HECTD2: variants seen among roughly 807,000 people sequenced by gnomAD.
HECTD2 encodes probable E3 ubiquitin-protein ligase HECTD2.
HECTD2 carries 35 observed loss-of-function variants against 103.2 expected under a neutral mutation model. That is an observed-to-expected ratio of 0.34 (90% CI 0.26 to 0.45). The LOEUF (loss-of-function observed/expected upper bound fraction) is 0.45, where lower values mean the gene tolerates loss of function less well. HECTD2 is among the 20% of genes least tolerant of loss of function. The pLI, the probability that HECTD2 is intolerant of heterozygous loss-of-function variation, is 1.00. For synonymous variants in HECTD2, 281 were observed against 329.9 expected (o/e 0.85, Z 1.61); for missense variants, 596 against 937.4 (o/e 0.64, Z 4.76).
intron 5 of HECTD2, among the ~76,000 whole-genome samples, chr10:91,476,429 A>G (rs534671348): frequency 3.3e-4 from 50 of 152,290 alleles, no homozygotes; most frequent in Non-Finnish European, 5.6e-4. Flanking sequence ...CAATCATGAC[A>G]CGGACCCCCA....
At chr10:91,470,990 G>GCACA (rs1335148932) in intron 5 of HECTD2, among the ~76,000 whole-genome samples, 2 of 145,980 alleles carry the variant, frequency 1.4e-5, no homozygotes, top group Admixed American at 6.7e-5. Flanking sequence ...ACACACACAC[G>GCACA]CACACACACA....
At chr10:91,469,246 G>T (rs1322605767) in intron 5 of HECTD2, among the ~76,000 whole-genome samples, 2 of 152,080 alleles carry the variant, frequency 1.3e-5, no homozygotes, top group African/African-American at 4.8e-5. Flanking sequence ...TCAAATTCAG[G>T]AAATTCAGAG....
At chr10:91,445,345 C>T (rs1195246764) in intron 2 of HECTD2, among the ~76,000 whole-genome samples, 1 of 152,082 alleles carries the variant, frequency 6.6e-6, no homozygotes, top group East Asian at 1.9e-4. Flanking sequence ...CCCTCTGCCA[C>T]TAGAGAGGAA....
intron 1 of HECTD2, among the ~76,000 whole-genome samples, chr10:91,422,500 T>G (rs1843398090): frequency 6.6e-6 from 1 of 152,168 alleles, no homozygotes; most frequent in Non-Finnish European, 1.5e-5. Flanking sequence ...GCACTATTAT[T>G]AAGATTTTCT....
intron 11 of HECTD2, chr10:91,489,679 A>T (rs1377889357): frequency 6.6e-6 from 1 of 152,350 alleles, no homozygotes; most frequent in Non-Finnish European, 1.5e-5. Context: ...AACACAGGAC[A>T]CTATGCTAGG....
chr10:91,410,662 G>A, intron 1 of HECTD2, 86 bp downstream of exon 1: 1 of 1,235,920 alleles, frequency 8.1e-7, no homozygotes, highest in Non-Finnish European at 1.0e-6. Flanking sequence ...CAGGAGGCCT[G>A]CGTTTACCCT....
intron 2 of HECTD2, among the ~76,000 whole-genome samples, chr10:91,429,426 T>G (rs1843734439): frequency 6.6e-6 from 1 of 151,986 alleles, no homozygotes; most frequent in Admixed American, 6.6e-5. Context: ...TCTTTTTCTA[T>G]TCATTGGAAT....
intron 2 of HECTD2, among the ~76,000 whole-genome samples, chr10:91,456,997 T>G (rs951894822): frequency 6.6e-6 from 1 of 151,966 alleles, no homozygotes; most frequent in Non-Finnish European, 1.5e-5. Flanking sequence ...ATAGGAGATA[T>G]TACAACAGAC....
At chr10:91,495,186 T>C (rs890155071) in intron 14 of HECTD2, among the ~76,000 whole-genome samples, 1 of 151,574 alleles carries the variant, frequency 6.6e-6, no homozygotes, top group African/African-American at 2.4e-5. Flanking sequence ...GAGATGAGAG[T>C]GGATTGTGGT....
At chr10:91,462,579 AG>A in intron 5 of HECTD2, 1 of 1,022,944 alleles carries the variant, frequency 9.8e-7, no homozygotes, top group Non-Finnish European at 1.2e-6. Context: ...TCTTGGGTGA[AG>A]CCCAAGAATT....
chr10:91,514,592 T>C lies in HECTD2; in HGVS notation c.*2208T>C, dbSNP rs530691749. 1 of 152,626 alleles carries C rather than the reference T, an allele frequency of 6.6e-6. No individual in the cohort carries two copies. The highest frequency in any genetic ancestry group is 1.5e-5 in the Non-Finnish European group (1 of 68,022). The allele number at this position is 152,626 out of a possible 1,614,324, so 9.5% of individuals were successfully genotyped here. On this transcript the variant is annotated 3_prime_UTR_variant, in exon 21 of 21. Transcript: ENST00000298068. Reference sequence around the variant, plus strand: ...CACAGTAAATTAAAGCATTACACAGTATTTATCAGTATTTTTTAAACATCC... The same window carrying C: ...CACAGTAAATTAAAGCATTACACAGCATTTATCAGTATTTTTTAAACATCC...
chr10:91,456,455 A>T (rs903389726), intron 2 of HECTD2, among the ~76,000 whole-genome samples: 1 of 152,210 alleles, frequency 6.6e-6, no homozygotes, highest in African/African-American at 2.4e-5. Context: ...GAAGTTGCTT[A>T]TCAGCTTAAG....
chr10:91,429,273 G>A (rs930988430), intron 2 of HECTD2, among the ~76,000 whole-genome samples: 27 of 152,058 alleles, frequency 1.8e-4, no homozygotes, highest in Admixed American at 1.6e-3. Flanking sequence ...TGCTGGATTC[G>A]GTGTGCCAGT....
At chr10:91,474,458 C>T (rs930548199) in intron 5 of HECTD2, among the ~76,000 whole-genome samples, 3 of 152,036 alleles carry the variant, frequency 2.0e-5, no homozygotes, top group Admixed American at 1.3e-4. Flanking sequence ...AAGTTGAAAT[C>T]GTTGTTACTA....
chr10:91,501,242 G>A lies in HECTD2; in HGVS notation c.2118G>A (p.Leu706=). ...TTCCTCTTGATCTTCAAAAGAAGTT[G>A]CTACATTTTACTACAGGGAGTGACA... The part of the protein sequence containing the change: ...LGFPLDLQKK[L]LHFTTGSDRV... The change falls in exon 20 of 21, where the codon TTG becomes TTA. Residue 706 remains leucine (L), a synonymous_variant. Transcript: ENST00000298068. 6.2e-7 allele frequency: 1 copy of A among 1,610,442 alleles called. No homozygotes were observed. Among genetic ancestry groups the A allele is most frequent in the Non-Finnish European group, 8.5e-7 (1 of 1,177,482 alleles).
chr10:91,476,897 C>CAATGCAGATGCCAAGTGTGTAGCAA (rs1845923892), intron 5 of HECTD2, among the ~76,000 whole-genome samples: 1 of 151,930 alleles, frequency 6.6e-6, no homozygotes. Context: ...CCTGCGGGTC[C>CAATGCAGATGCCAAGTGTGTAGCAA]GGGCCGGGCG....
chr10:91,422,798 C>T (rs1317192167), intron 1 of HECTD2, among the ~76,000 whole-genome samples: 3 of 152,058 alleles, frequency 2.0e-5, no homozygotes, highest in Non-Finnish European at 4.4e-5. Context: ...ACTGTAAATC[C>T]ACTAGACATT....
chr10:91,490,247 T>G (rs935385487), intron 11 of HECTD2, among the ~76,000 whole-genome samples: 1 of 152,214 alleles, frequency 6.6e-6, no homozygotes, highest in Non-Finnish European at 1.5e-5. Flanking sequence ...ACCTTCCTTG[T>G]ACTATTTACA....
In HECTD2 at chr10:91,493,477, A is replaced by G; in HGVS notation, c.1490A>G (p.Asp497Gly). ...CATTGGTTTAGCAGCTTTAAATGTG[A>G]TAACTATTCTGAATTCCGATTGGTT... ...HCHWFSSFKC[D>G]NYSEFRLVGI... The change falls in exon 14 of 21, where the codon GAT (aspartate) becomes GGT (glycine). Residue 497 changes from aspartate (D) to glycine (G), a missense_variant. Around this residue, in one of 4 missense-constraint regions of HECTD2, gnomAD observed 303 missense variants for 522.5 expected, o/e 0.58. Transcript: ENST00000298068. The G allele has an allele frequency of 6.4e-7, 1 of 1,557,830 alleles. No individual in the cohort carries two copies. The highest frequency in any genetic ancestry group is 8.7e-7 in the Non-Finnish European group (1 of 1,153,382).
Sources: allele counts gnomAD v4.1 joint callset (sites outside exome capture counted in the v4.1 genomes callset), GRCh38; gene constraint gnomAD v4.1.1; regional missense constraint gnomAD v4.1.1; transcripts MANE v1.5; gene names NCBI Gene and HGNC (gene_info 2026-07-23, HGNC 2026-07-21).